The following DSC1 variants were observed in gnomAD, a reference collection of about 807,000 sequenced individuals.
DSC1 encodes desmocollin 1.
Under a neutral mutation model 98.8 loss-of-function variants are expected in DSC1, and 79 were observed. The observed-to-expected ratio is 0.80, with a 90% CI of 0.67 to 0.96. The LOEUF is 0.96. DSC1 is among the 50% of genes least tolerant of loss of function. DSC1 has a pLI of 0.00. For missense variants in DSC1, 1,115 were observed against 1,075.9 expected, an observed-to-expected ratio of 1.04 and a Z score of -0.51; for synonymous variants, 405 against 372.1, an observed-to-expected ratio of 1.09 and a Z score of -1.02.
At chr18:31,156,773 G>A (rs1173745388) in intron 3 of DSC1, among the ~76,000 whole-genome samples, 2 of 152,194 alleles carry the variant, frequency 1.3e-5, no homozygotes, top group Non-Finnish European at 2.9e-5. Context: ...AAAATGAGAT[G>A]TGAATTCCAG....
In DSC1 at chr18:31,132,551, T is replaced by G. The variant is rs538000354; in HGVS notation, c.2238+17A>C. ...TTGTTCACCGTACAATTCAAAGGGA[T>G]GTGAAATCTGATTTACCGTTACTTC... On this transcript the variant is annotated intron_variant, in intron 14 of 15. Transcript: ENST00000257198. 9.9e-6 allele frequency: 16 copies of G among 1,612,338 alleles called. No individual in the cohort carries two copies. The Admixed American group carries it at 1.7e-4, about 17-fold the overall frequency.
At chr18:31,157,325 C>G (rs141395396) in intron 3 of DSC1, 46 bp downstream of exon 3, 1 of 1,578,700 alleles carries the variant, frequency 6.3e-7, no homozygotes, top group East Asian at 2.2e-5. Context: ...GAAGGACTCC[C>G]GTAAGCATAT....
intron 5 of DSC1, among the ~76,000 whole-genome samples, chr18:31,149,010 T>C (rs1312250151): frequency 2.0e-5 from 3 of 152,228 alleles, no homozygotes; most frequent in Non-Finnish European, 4.4e-5. Context: ...GATGTATATA[T>C]ACATACAAAT....
Position 31,130,505 on chromosome 18 carries a change from A to G in DSC1, c.*9T>C, listed in dbSNP as rs200130747. The G allele has an allele frequency of 3.2e-5, 52 of 1,614,070 alleles. No homozygotes were observed. Among genetic ancestry groups the G allele is most frequent in the Admixed American group, 1.7e-4 (10 of 60,018 alleles). ...GCATCTGTGGATATTACACTATTAA[A>G]AGGCACATTTATTTCTTGATGCATG... On this transcript the variant is annotated 3_prime_UTR_variant, in exon 16 of 16. Coordinates refer to ENST00000257198, the MANE Select transcript of DSC1 (RefSeq NM_024421.2).
In DSC1 at chr18:31,151,928, G is replaced by A. The variant is rs574438603; in HGVS notation, c.627+2846C>T. 4.6e-5 allele frequency among the ~76,000 whole-genome samples: 7 copies of A among 152,292 alleles called. No individual in the cohort carries two copies. The East Asian group carries it at 5.8e-4, about 13-fold the overall frequency. ...TGTAATCCCAGTACTTTGGGAGGCC[G>A]AGGTGGGTGAATCACCTGAGGCCAA... On this transcript the variant is annotated intron_variant, in intron 5 of 15. Transcript: ENST00000257198.
intron 9 of DSC1, among the ~76,000 whole-genome samples, chr18:31,141,234 A>G (rs1352658943): frequency 2.6e-5 from 4 of 152,184 alleles, no homozygotes; most frequent in African/African-American, 7.2e-5. Flanking sequence ...TCAAGGGGGA[A>G]AAAACCTAAG....
chr18:31,161,266 TTA>T (rs1332107324), intron 1 of DSC1, among the ~76,000 whole-genome samples: 1 of 152,092 alleles, frequency 6.6e-6, no homozygotes, highest in Non-Finnish European at 1.5e-5. Context: ...ACGAGCTCCA[TTA>T]TAATCTATGG....
At chr18:31,162,494 A>G in intron 1 of DSC1, 38 bp downstream of exon 1, 1 of 1,602,592 alleles carries the variant, frequency 6.2e-7, no homozygotes, top group Admixed American at 1.7e-5. Context: ...GCAGGTAGTA[A>G]CATGCTTGAA....
At chr18:31,143,914 A>G in intron 7 of DSC1, 123 bp from the exon 8 acceptor site, 1 of 376,528 alleles carries the variant, frequency 2.7e-6, no homozygotes, top group Non-Finnish European at 3.4e-6. Flanking sequence ...TCTTTTATAT[A>G]TTTATTTATT....
chr18:31,154,384 C>T (rs1454909697), intron 5 of DSC1, among the ~76,000 whole-genome samples: 1 of 151,708 alleles, frequency 6.6e-6, no homozygotes, highest in African/African-American at 2.4e-5. Flanking sequence ...AATCAGAATA[C>T]TTGGGCATGG....
intron 12 of DSC1, 46 bp downstream of exon 12, chr18:31,134,526 C>G: frequency 7.1e-7 from 1 of 1,412,032 alleles, no homozygotes; most frequent in South Asian, 1.3e-5. Flanking sequence ...GAACCATCAC[C>G]AATCTGAAGT....
chr18:31,144,285 G>A (rs1264190488), intron 7 of DSC1, among the ~76,000 whole-genome samples: 2 of 152,098 alleles, frequency 1.3e-5, no homozygotes, highest in African/African-American at 4.8e-5. Flanking sequence ...TTGGTACAAT[G>A]GAAAGGTGAT....
chr18:31,161,385 AAT>A (rs1276677960), intron 1 of DSC1, among the ~76,000 whole-genome samples: 1 of 148,464 alleles, frequency 6.7e-6, no homozygotes, highest in African/African-American at 2.6e-5. Context: ...TATATATATA[AAT>A]ATATGAGACA....
At position 31,131,820 on chromosome 18, in the gene DSC1, A is replaced by C. The variant is rs769371041; in HGVS notation, c.2261T>G (p.Met754Arg). The change falls in exon 15 of 16, where the codon ATG (methionine) becomes AGG (arginine). Residue 754 changes from methionine (M) to arginine (R), a missense_variant. Transcript: ENST00000257198. ...TGTGTCACAAATGTTGGATGTCTGCATGGGGAGTCTAATATTTGCTTCCTA... is the reference window on the plus strand; with the variant it reads ...TGTGTCACAAATGTTGGATGTCTGCCTGGGGAGTCTAATATTTGCTTCCTA... ...EVTEANIRLPMQTSNICDTSM... is the reference protein window; with the variant it reads ...EVTEANIRLPRQTSNICDTSM... 1 of 1,613,958 alleles carries C rather than the reference A, an allele frequency of 6.2e-7. No individual in the cohort carries two copies. Among genetic ancestry groups the C allele is most frequent in the Admixed American group, 1.7e-5 (1 of 59,966 alleles).
intron 13 of DSC1, among the ~76,000 whole-genome samples, chr18:31,132,957 A>T (rs1390359401): frequency 6.6e-6 from 1 of 152,180 alleles, no homozygotes; most frequent in Non-Finnish European, 1.5e-5. Flanking sequence ...CATCTAACTG[A>T]TATTTAAGAT....
intron 14 of DSC1, 95 bp from the exon 15 acceptor site, chr18:31,131,937 C>T: frequency 7.6e-7 from 1 of 1,324,298 alleles, no homozygotes; most frequent in Non-Finnish European, 1.0e-6. Context: ...CACTTGCCTG[C>T]TGTGCCTCTC....
intron 2 of DSC1, 60 bp from the exon 3 acceptor site, chr18:31,157,633 C>T: frequency 6.3e-7 from 1 of 1,580,988 alleles, no homozygotes; most frequent in Non-Finnish European, 8.7e-7. Context: ...ACAAGTTTTA[C>T]AGGAATGACA....
intron 5 of DSC1, among the ~76,000 whole-genome samples, chr18:31,153,438 A>G (rs1364023057): frequency 6.6e-6 from 1 of 152,172 alleles, no homozygotes; most frequent in African/African-American, 2.4e-5. Context: ...ACTATTTTTT[A>G]AAGTAAAAGT....
At chr18:31,149,755 T>C (rs370755707) in intron 5 of DSC1, among the ~76,000 whole-genome samples, 172 of 152,308 alleles carry the variant, frequency 1.1e-3, no homozygotes, top group African/African-American at 4.0e-3. Flanking sequence ...CAACATTTCA[T>C]GTTCACTGTT....
Sources: gnomAD v4.1 joint callset for allele counts (sites outside exome capture counted in the v4.1 genomes callset) on GRCh38, gnomAD v4.1.1 for gene constraint, MANE v1.5 for transcripts, NCBI Gene and HGNC (gene_info 2026-07-23, HGNC 2026-07-21) for gene names.